Variants in ANKS1B observed in about 807,000 individuals in gnomAD.
The protein encoded by ANKS1B is ankyrin repeat and sterile alpha motif domain containing 1B, also known as ankyrin repeat and sterile alpha motif domain-containing protein 1B.
Under a neutral mutation model 148.3 loss-of-function variants are expected in ANKS1B, and 36 were observed. The observed-to-expected ratio is 0.24, with a 90% CI of 0.19 to 0.32. The LOEUF is 0.32. ANKS1B is among the 10% of genes least tolerant of loss of function. The pLI is 1.00. For missense variants in ANKS1B, 1,157 were observed against 1,542.6 expected (o/e 0.75, Z 4.19); for synonymous variants, 542 against 560.8 (o/e 0.97, Z 0.47).
chr12:99,621,095 A>G lies in ANKS1B; in HGVS notation c.1272+33972T>C, dbSNP rs1447056655. ...CCAGTAGAGATACAGGCCTATTTTC[A>G]ACATTCTTAAAGAAAAGAAATTCCA... On this transcript the variant is annotated intron_variant, in intron 9 of 26. Coordinates refer to ENST00000683438, the MANE Select transcript of ANKS1B (RefSeq NM_001352186.2). 2.6e-5 allele frequency among the ~76,000 whole-genome samples: 4 copies of G among 152,178 alleles called. No individual in the cohort carries two copies. The East Asian group carries it at 5.8e-4, about 22-fold the overall frequency.
chr12:99,358,735 C>A (rs1457872216), intron 12 of ANKS1B, among the ~76,000 whole-genome samples: 1 of 151,918 alleles, frequency 6.6e-6, no homozygotes, highest in Non-Finnish European at 1.5e-5. Flanking sequence ...CATCACACAT[C>A]ATCCAAACAA....
chr12:99,696,824 C>A (rs887291756), intron 8 of ANKS1B, among the ~76,000 whole-genome samples: 1 of 152,122 alleles, frequency 6.6e-6, no homozygotes, highest in Non-Finnish European at 1.5e-5. Flanking sequence ...CTTGGCAAAA[C>A]ACATATCTGA....
intron 9 of ANKS1B, among the ~76,000 whole-genome samples, chr12:99,505,228 C>A (rs1333439899): frequency 6.6e-6 from 1 of 152,038 alleles, no homozygotes; most frequent in Non-Finnish European, 1.5e-5. Flanking sequence ...CCAAGAATGG[C>A]AACAGAAGGA....
intron 9 of ANKS1B, among the ~76,000 whole-genome samples, chr12:99,566,077 C>T (rs1228856830): frequency 6.6e-6 from 1 of 152,276 alleles, no homozygotes; most frequent in South Asian, 2.1e-4. Context: ...CAATGCCATA[C>T]TTTTGAGTAT....
intron 22 of ANKS1B, among the ~76,000 whole-genome samples, chr12:98,787,657 C>T (rs1002136147): frequency 1.2e-4 from 19 of 152,064 alleles, no homozygotes; most frequent in Non-Finnish European, 2.5e-4. Flanking sequence ...TGGTGGTTCT[C>T]GCCTGTAATC....
intron 12 of ANKS1B, among the ~76,000 whole-genome samples, chr12:99,361,068 G>A (rs1024801420): frequency 6.6e-6 from 1 of 151,996 alleles, no homozygotes; most frequent in East Asian, 1.9e-4. Flanking sequence ...TGACTATAGG[G>A]TGACTACAGT....
At chr12:99,420,004 A>G (rs2095035181) in intron 11 of ANKS1B, among the ~76,000 whole-genome samples, 1 of 152,144 alleles carries the variant, frequency 6.6e-6, no homozygotes, top group Admixed American at 6.6e-5. Flanking sequence ...CTTTACTATT[A>G]TAGTAATAGT....
intron 17 of ANKS1B, among the ~76,000 whole-genome samples, chr12:98,848,641 C>T (rs1595408843): frequency 6.6e-6 from 1 of 151,444 alleles, no homozygotes; most frequent in East Asian, 1.9e-4. Context: ...TCACTGCAAC[C>T]TCCTCCTCCC....
chr12:99,781,040 T>A (rs1368051323), intron 5 of ANKS1B, among the ~76,000 whole-genome samples: 1 of 145,000 alleles, frequency 6.9e-6, no homozygotes, highest in African/African-American at 2.6e-5. Flanking sequence ...AAAAATATTA[T>A]GAATTTTCCA....
chr12:98,949,160 G>A (rs4073120), intron 17 of ANKS1B, among the ~76,000 whole-genome samples: 8,877 of 151,728 alleles, frequency 0.059, 606 homozygotes, highest in African/African-American at 0.15. Flanking sequence ...CACTGTGTTA[G>A]CCAGGACGGT....
At chr12:99,929,530 T>C (rs1045402035) in intron 1 of ANKS1B, among the ~76,000 whole-genome samples, 1 of 152,210 alleles carries the variant, frequency 6.6e-6, no homozygotes, top group African/African-American at 2.4e-5. Flanking sequence ...TTTTGGCTTT[T>C]GTTGCCATTG....
chr12:98,829,738 G>A lies in ANKS1B; in HGVS notation c.2887-385C>T, dbSNP rs1213387505. Among the ~76,000 whole-genome samples the A allele has an allele frequency of 6.6e-6, 1 of 152,190 alleles. No homozygotes were observed. The highest frequency in any genetic ancestry group is 1.5e-5 in the Non-Finnish European group (1 of 68,034). On this transcript the variant is annotated intron_variant, in intron 18 of 26. Coordinates refer to ENST00000683438, the MANE Select transcript of ANKS1B (RefSeq NM_001352186.2). The surrounding 1 kb of genome is among the most constrained non-coding windows in gnomAD (Gnocchi z 5.2). Reference sequence around the variant, plus strand: ...GATGCCATGATGAGAAAGCTAAAATGAGACCCAATGGGTCTTGATCCTTCA... The same window carrying A: ...GATGCCATGATGAGAAAGCTAAAATAAGACCCAATGGGTCTTGATCCTTCA...
chr12:99,628,943 G>A (rs1006920691), intron 9 of ANKS1B, among the ~76,000 whole-genome samples: 2 of 152,084 alleles, frequency 1.3e-5, no homozygotes, highest in Non-Finnish European at 2.9e-5. Context: ...ATATTAATGT[G>A]GATCTTATTA....
intron 8 of ANKS1B, among the ~76,000 whole-genome samples, chr12:99,767,255 A>G (rs1384648163): frequency 1.3e-5 from 2 of 152,148 alleles, no homozygotes; most frequent in Non-Finnish European, 2.9e-5. Context: ...AAAATTGCAC[A>G]AAACCTGCCA....
intron 17 of ANKS1B, among the ~76,000 whole-genome samples, chr12:98,861,840 A>G (rs917034396): frequency 6.6e-6 from 1 of 152,184 alleles, no homozygotes; most frequent in African/African-American, 2.4e-5. Flanking sequence ...GGGGCTTCTG[A>G]GCTCTGATAT....
At chr12:99,879,927 G>A (rs1051907384) in intron 1 of ANKS1B, among the ~76,000 whole-genome samples, 2 of 152,126 alleles carry the variant, frequency 1.3e-5, no homozygotes, top group Non-Finnish European at 2.9e-5. Flanking sequence ...GATTAGAATG[G>A]CCATTATATT....
intron 21 of ANKS1B, among the ~76,000 whole-genome samples, chr12:98,800,036 G>C (rs1435612870): frequency 6.6e-6 from 1 of 151,774 alleles, no homozygotes; most frequent in Non-Finnish European, 1.5e-5. Flanking sequence ...GACGTGAGAG[G>C]GCACAACAGC....
chr12:98,982,851 A>C (rs1369968211), intron 17 of ANKS1B, among the ~76,000 whole-genome samples: 5 of 152,210 alleles, frequency 3.3e-5, no homozygotes, highest in Non-Finnish European at 7.3e-5. Context: ...TTCTTGCATA[A>C]GTTCCTGGTG....
chr12:98,815,766 T>A (rs2099134566), intron 19 of ANKS1B, among the ~76,000 whole-genome samples: 1 of 152,120 alleles, frequency 6.6e-6, no homozygotes, highest in Non-Finnish European at 1.5e-5. Context: ...TGAATCTACT[T>A]CTAAAATTTC....
Sources: allele counts gnomAD v4.1 joint callset (sites outside exome capture counted in the v4.1 genomes callset), GRCh38; gene constraint gnomAD v4.1.1; non-coding constraint Gnocchi (gnomAD v3.1); transcripts MANE v1.5; gene names NCBI Gene and HGNC (gene_info 2026-07-23, HGNC 2026-07-21).